Variants in RAB31 observed in about 807,000 individuals in gnomAD.
RAB31 encodes the protein RAB31, member RAS oncogene family.
A neutral mutation model predicts 25.6 loss-of-function variants in RAB31; 21 were observed. The observed-to-expected ratio is 0.82, with a 90% CI of 0.58 to 1.18. The LOEUF is 1.18. Among genes scored for constraint, RAB31 ranks in the 50% most tolerant of loss-of-function variants. The probability of loss-of-function intolerance (pLI) is 0.00; values close to 1 mark genes in which losing one functional copy is unlikely to be tolerated. For synonymous variants in RAB31, 87 were observed against 84.0 expected, an observed-to-expected ratio of 1.04 and a Z score of -0.20; for missense variants, 196 against 250.1, an observed-to-expected ratio of 0.78 and a Z score of 1.46.
intron 1 of RAB31, among the ~76,000 whole-genome samples, chr18:9,711,070 G>T (rs1197595596): frequency 1.3e-5 from 2 of 152,150 alleles, no homozygotes; most frequent in African/African-American, 4.8e-5. Flanking sequence ...GATGTGTGCA[G>T]CAGGCTGTGT....
intron 1 of RAB31, among the ~76,000 whole-genome samples, chr18:9,727,692 T>C (rs1411169937): frequency 6.6e-6 from 1 of 152,242 alleles, no homozygotes; most frequent in Admixed American, 6.5e-5. Flanking sequence ...CTCTCAAATA[T>C]TAAAAATGTC....
At chr18:9,826,210 T>TACTAA (rs2068649009) in intron 5 of RAB31, among the ~76,000 whole-genome samples, 1 of 151,286 alleles carries the variant, frequency 6.6e-6, no homozygotes, top group Non-Finnish European at 1.5e-5. Flanking sequence ...AACCCCCCTC[T>TACTAA]ACTAAAAATA....
intron 1 of RAB31, among the ~76,000 whole-genome samples, chr18:9,712,686 G>A (rs2068023520): frequency 6.6e-6 from 1 of 152,220 alleles, no homozygotes; most frequent in Non-Finnish European, 1.5e-5. Flanking sequence ...AGAAAGAGAA[G>A]GAGGGGACCT....
At chr18:9,827,377 C>T (rs750827535) in intron 5 of RAB31, among the ~76,000 whole-genome samples, 6 of 152,202 alleles carry the variant, frequency 3.9e-5, no homozygotes, top group Non-Finnish European at 8.8e-5. Context: ...ACAACAGTGA[C>T]GATGGGGGCT....
At chr18:9,781,559 C>T (rs1425567249) in intron 2 of RAB31, among the ~76,000 whole-genome samples, 2 of 152,218 alleles carry the variant, frequency 1.3e-5, no homozygotes, top group Admixed American at 1.3e-4. Context: ...CTGATCTGCC[C>T]GCCTTGGCCT....
intron 1 of RAB31, among the ~76,000 whole-genome samples, chr18:9,775,075 C>T (rs891700719): frequency 6.6e-6 from 1 of 152,134 alleles, no homozygotes; most frequent in African/African-American, 2.4e-5. Context: ...TACCATACTT[C>T]TTTTCTTTCT....
intron 1 of RAB31, among the ~76,000 whole-genome samples, chr18:9,767,043 T>G (rs1330528013): frequency 5.9e-5 from 9 of 152,216 alleles, no homozygotes; most frequent in Admixed American, 5.9e-4. Context: ...AATGGATGAC[T>G]GAATACAAAA....
At chr18:9,759,823 A>T (rs575966578) in intron 1 of RAB31, among the ~76,000 whole-genome samples, 19 of 152,192 alleles carry the variant, frequency 1.2e-4, no homozygotes, top group African/African-American at 4.6e-4. Flanking sequence ...TCAAGTTTTT[A>T]TAAGGGGAAA....
intron 6 of RAB31, among the ~76,000 whole-genome samples, chr18:9,851,774 A>G (rs1263056960): frequency 6.6e-6 from 1 of 152,230 alleles, no homozygotes; most frequent in Non-Finnish European, 1.5e-5. Context: ...TTACTGACAT[A>G]AAAAGATCAA....
chr18:9,770,709 G>A (rs1452993624), intron 1 of RAB31, among the ~76,000 whole-genome samples: 3 of 152,056 alleles, frequency 2.0e-5, no homozygotes, highest in Admixed American at 6.6e-5. Context: ...ATGTCTCCCC[G>A]GCAGTCAATA....
intron 2 of RAB31, among the ~76,000 whole-genome samples, chr18:9,790,080 T>G (rs1479005031): frequency 1.3e-5 from 2 of 152,124 alleles, no homozygotes; most frequent in Non-Finnish European, 2.9e-5. Context: ...CCCCTGACTC[T>G]TTACCCCGAA....
At chr18:9,784,228 A>G (rs1395853854) in intron 2 of RAB31, among the ~76,000 whole-genome samples, 3 of 150,630 alleles carry the variant, frequency 2.0e-5, no homozygotes, top group Non-Finnish European at 4.4e-5. Flanking sequence ...TTGTAGAGCC[A>G]GGGGTCTTGC....
chr18:9,761,969 G>C (rs1326328268), intron 1 of RAB31, among the ~76,000 whole-genome samples: 4 of 152,066 alleles, frequency 2.6e-5, no homozygotes, highest in Non-Finnish European at 5.9e-5. Flanking sequence ...ACCATGCCTG[G>C]CTAATTTTTA....
rs536511425 is a variant in RAB31, at chr18:9,859,933, T to C, written c.*608T>C. 2.0e-5 allele frequency: 3 copies of C among 152,384 alleles called. No individual in the cohort carries two copies. The highest frequency in any genetic ancestry group is 2.0e-4 in the Admixed American group (3 of 15,304). The allele number at this position is 152,384 out of a possible 1,614,324, so 9.4% of individuals were successfully genotyped here. A position where few individuals can be genotyped will look rare whatever the true frequency, so the allele number is the denominator to read the frequency against. On this transcript the variant is annotated 3_prime_UTR_variant, in exon 7 of 7. Coordinates refer to ENST00000578921, the MANE Select transcript of RAB31 (RefSeq NM_006868.4). ...TTAGAAACTGTTGTCTACACCACTT[T>C]TAATTGGTGAACAATTTTTCTAAGT... is the stretch of plus-strand genomic sequence containing the variant.
At chr18:9,737,443 A>G (rs2068156436) in intron 1 of RAB31, among the ~76,000 whole-genome samples, 1 of 152,216 alleles carries the variant, frequency 6.6e-6, no homozygotes, top group African/African-American at 2.4e-5. Flanking sequence ...CGGTGGTATA[A>G]TAGAGCATCT....
intron 1 of RAB31, among the ~76,000 whole-genome samples, chr18:9,773,462 T>C (rs2068355776): frequency 6.6e-6 from 1 of 152,154 alleles, no homozygotes; most frequent in Non-Finnish European, 1.5e-5. Context: ...ATCCTTCCAG[T>C]AGGAACATGT....
Position 9,815,212 on chromosome 18 carries a change from T to C in RAB31, c.370T>C (p.Ser124Pro). 10 of 1,544,788 alleles carry C rather than the reference T, an allele frequency of 6.5e-6. No homozygotes were observed. The highest frequency in any genetic ancestry group is 8.8e-6 in the Non-Finnish European group (10 of 1,139,120). The stretch of plus-strand genomic sequence containing the variant: ...CATCGCTGGAAACAAGTGCGACCTC[T>C]CAGATATTAGGTAAGATGCATTGAA... ...MAIAGNKCDLSDIREVPLKDA... is the reference protein window; with the variant it reads ...MAIAGNKCDLPDIREVPLKDA... Residue 124 changes from serine (S) to proline (P), a missense_variant, in exon 5 of 7, where the codon TCA becomes CCA. Coordinates refer to ENST00000578921, the MANE Select transcript of RAB31 (RefSeq NM_006868.4).
chr18:9,848,409 C>CGTCTGTCT (rs1217139088), intron 6 of RAB31, among the ~76,000 whole-genome samples: 1 of 152,106 alleles, frequency 6.6e-6, no homozygotes, highest in Non-Finnish European at 1.5e-5. Flanking sequence ...TCTAGCCATC[C>CGTCTGTCT]GTCTGTCTGT....
intron 3 of RAB31, among the ~76,000 whole-genome samples, chr18:9,794,945 G>A (rs1342492416): frequency 2.0e-5 from 3 of 152,088 alleles, no homozygotes; most frequent in Non-Finnish European, 4.4e-5. Context: ...GCAAGACTAA[G>A]CAAAAAGAAC....
Sources: allele counts gnomAD v4.1 joint callset (sites outside exome capture counted in the v4.1 genomes callset), GRCh38; gene constraint gnomAD v4.1.1; transcripts MANE v1.5; gene names NCBI Gene and HGNC (gene_info 2026-07-23, HGNC 2026-07-21).